SEPTIN9: variants seen among roughly 807,000 people sequenced by gnomAD.
The protein encoded by SEPTIN9 is septin-9.
In SEPTIN9, 13 loss-of-function variants were observed where a neutral mutation model predicts 56.6. That is an observed-to-expected ratio of 0.23 (90% CI 0.15 to 0.37). SEPTIN9 has a LOEUF of 0.37. Ranked by LOEUF, SEPTIN9 falls within the 10% of genes least tolerant of loss-of-function variation. The pLI, the probability that SEPTIN9 is intolerant of heterozygous loss-of-function variation, is 1.00. For synonymous variants in SEPTIN9, 332 were observed against 334.1 expected (o/e 0.99, Z 0.07); for missense variants, 650 against 823.1 (o/e 0.79, Z 2.57).
intron 2 of SEPTIN9, chr17:77,322,618 G>C (rs1567993038): frequency 2.0e-5 from 3 of 152,386 alleles, no homozygotes. Flanking sequence ...CCTGCTGGGT[G>C]GCCTTGAGCA....
intron 1 of SEPTIN9, chr17:77,288,023 A>G: frequency 9.4e-7 from 1 of 1,061,140 alleles, no homozygotes; most frequent in Non-Finnish European, 1.1e-6. Flanking sequence ...CTGGATGGCC[A>G]CTCTGCCCTG....
At chr17:77,418,019 T>C (rs79453023) in intron 3 of SEPTIN9, among the ~76,000 whole-genome samples, 1 of 152,314 alleles carries the variant, frequency 6.6e-6, no homozygotes, top group East Asian at 1.9e-4. Context: ...GGGCTCCTCA[T>C]TCCTGTTCCC....
In SEPTIN9 at chr17:77,319,140, A is replaced by G. The variant is rs1420967356; in HGVS notation, c.76+11943A>G. Among the ~76,000 whole-genome samples the G allele has an allele frequency of 2.0e-5, 3 of 152,206 alleles. No individual in the cohort carries two copies. The highest frequency in any genetic ancestry group is 2.0e-4 in the Admixed American group (3 of 15,290). On this transcript the variant is annotated intron_variant, in intron 2 of 11. Transcript: ENST00000427177. This position sits in a 1 kb window ranked among gnomAD's most constrained non-coding sequence, Gnocchi z 5.3. ...CATTCTCTTTAAACAGGCTTGGGCC[A>G]ACAGAACCAGCCTCCGTGTCTCGGG... is the stretch of plus-strand genomic sequence containing the variant.
Position 77,319,639 on chromosome 17 carries a change from C to T in SEPTIN9, c.76+12442C>T, listed in dbSNP as rs2032832436. Reference sequence around the variant, plus strand: ...GGCACGGCCGTTCCTCCTGCCCAGCCACGTTGGGGTACAGGGTGAAGAAGG... The same window carrying T: ...GGCACGGCCGTTCCTCCTGCCCAGCTACGTTGGGGTACAGGGTGAAGAAGG... On this transcript the variant is annotated intron_variant, in intron 2 of 11. Transcript: ENST00000427177. This position sits in a 1 kb window ranked among gnomAD's most constrained non-coding sequence, Gnocchi z 5.3. 9.4e-7 allele frequency: 1 copy of T among 1,062,906 alleles called. No homozygotes were observed. Among genetic ancestry groups the T allele is most frequent in the South Asian group, 4.6e-5 (1 of 21,958 alleles). 65.8% of individuals were successfully genotyped at this position (1,062,906 alleles called of 1,614,324 possible). A position where few individuals can be genotyped will look rare whatever the true frequency, so the allele number is the denominator to read the frequency against.
chr17:77,294,297 G>A (rs747404979), intron 1 of SEPTIN9, among the ~76,000 whole-genome samples: 155 of 152,058 alleles, frequency 1.0e-3, no homozygotes, highest in Non-Finnish European at 1.8e-3. Flanking sequence ...ACGCACGCCT[G>A]TAATCCCAGC....
intron 3 of SEPTIN9, among the ~76,000 whole-genome samples, chr17:77,455,720 C>T (rs1367988501): frequency 2.0e-5 from 3 of 152,220 alleles, no homozygotes; most frequent in Non-Finnish European, 4.4e-5. Context: ...TGTGTCTTGT[C>T]GATCCACGTC....
Position 77,429,974 on chromosome 17 carries a change from C to T in SEPTIN9, c.721+27271C>T, listed in dbSNP as rs1398799994. Among the ~76,000 whole-genome samples, 1 of 152,152 alleles carries T rather than the reference C, an allele frequency of 6.6e-6. No homozygotes were observed. The highest frequency in any genetic ancestry group is 6.5e-5 in the Admixed American group (1 of 15,284). ...CTGGCTTCCCTGTAGGACAGCAGAC[C>T]CTGGGGGTTGGCTCTGATGGTATTC... is the stretch of plus-strand genomic sequence containing the variant. On this transcript the variant is annotated intron_variant, in intron 3 of 11. Transcript: ENST00000427177. The surrounding 1 kb of genome is among the most constrained non-coding windows in gnomAD (Gnocchi z 5.2).
chr17:77,423,376 G>A (rs1220580829), intron 3 of SEPTIN9, among the ~76,000 whole-genome samples: 1 of 152,214 alleles, frequency 6.6e-6, no homozygotes, highest in Non-Finnish European at 1.5e-5. Context: ...GAAACATTGA[G>A]TTCCCCTTGA....
chr17:77,315,643 T>C lies in SEPTIN9; in HGVS notation c.76+8446T>C, dbSNP rs1356737994. ...CCTGGCTGACGCAAAGCAGGTTGAG[T>C]GAGTGTGACACTTCCTTCCTGTCTG... On this transcript the variant is annotated intron_variant, in intron 2 of 11. Coordinates refer to ENST00000427177, the MANE Select transcript of SEPTIN9 (RefSeq NM_001113491.2). Among the ~76,000 whole-genome samples the C allele has an allele frequency of 2.0e-5, 3 of 152,120 alleles. No individual in the cohort carries two copies. In the East Asian group the frequency reaches 5.8e-4, roughly 29 times the overall value.
intron 2 of SEPTIN9, among the ~76,000 whole-genome samples, chr17:77,309,331 G>A (rs889092739): frequency 6.6e-6 from 1 of 152,258 alleles, no homozygotes; most frequent in African/African-American, 2.4e-5. Context: ...CTGGTGATCT[G>A]GGTTTGCGTG....
intron 3 of SEPTIN9, among the ~76,000 whole-genome samples, chr17:77,460,681 T>C (rs2038430203): frequency 6.6e-6 from 1 of 152,146 alleles, no homozygotes; most frequent in African/African-American, 2.4e-5. Flanking sequence ...CTTGGTCCTG[T>C]TGAGCAGCCC....
At chr17:77,320,017 A>G (rs779606876) in intron 2 of SEPTIN9, 2 of 1,318,040 alleles carry the variant, frequency 1.5e-6, no homozygotes, top group Non-Finnish European at 1.9e-6. Flanking sequence ...CTCGGGGCCC[A>G]CTTCGGGCCC....
intron 3 of SEPTIN9, among the ~76,000 whole-genome samples, chr17:77,481,002 C>G (rs2039433746): frequency 6.6e-6 from 1 of 152,196 alleles, no homozygotes; most frequent in African/African-American, 2.4e-5. Flanking sequence ...TTGTCTGCAC[C>G]TGCATGCGCA....
chr17:77,359,723 G>T (rs746095317), intron 2 of SEPTIN9, among the ~76,000 whole-genome samples: 1 of 152,130 alleles, frequency 6.6e-6, no homozygotes, highest in Non-Finnish European at 1.5e-5. Context: ...TTGGGCCTAG[G>T]AGTTCGAGGC....
chr17:77,317,338 A>G lies in SEPTIN9; in HGVS notation c.76+10141A>G, dbSNP rs926023780. Among the ~76,000 whole-genome samples the G allele has an allele frequency of 6.6e-6, 1 of 152,202 alleles. No individual in the cohort carries two copies. The highest frequency in any genetic ancestry group is 1.5e-5 in the Non-Finnish European group (1 of 68,034). ...TGTGTCCTATTAGGAACTGGCCTGC[A>G]CAGCAGGAGGTGAGTGACTGGCAAG... On this transcript the variant is annotated intron_variant, in intron 2 of 11. Coordinates refer to ENST00000427177, the MANE Select transcript of SEPTIN9 (RefSeq NM_001113491.2). This position sits in a 1 kb window ranked among gnomAD's most constrained non-coding sequence, Gnocchi z 4.2.
intron 2 of SEPTIN9, among the ~76,000 whole-genome samples, chr17:77,388,340 C>T (rs1186033697): frequency 6.6e-6 from 1 of 152,120 alleles, no homozygotes; most frequent in Non-Finnish European, 1.5e-5. Context: ...GAATCTTCTG[C>T]GTCCAGTTGC....
At chr17:77,403,015 C>T (rs1382357710) in intron 3 of SEPTIN9, among the ~76,000 whole-genome samples, 2 of 152,096 alleles carry the variant, frequency 1.3e-5, no homozygotes, top group African/African-American at 2.4e-5. Context: ...CTGTGTGTCC[C>T]TGGAGGGCCT....
intron 2 of SEPTIN9, among the ~76,000 whole-genome samples, chr17:77,394,937 G>T (rs1034358196): frequency 3.9e-5 from 6 of 152,320 alleles, no homozygotes; most frequent in Non-Finnish European, 8.8e-5. Flanking sequence ...GAGACCGTAG[G>T]TGCTTGAGAA....
rs544721990 is a variant in SEPTIN9, at chr17:77,451,430, A to T, written c.722-30714A>T. The T allele has an allele frequency of 1.0e-6, 1 of 985,500 alleles. No individual in the cohort carries two copies. Among genetic ancestry groups the T allele is most frequent in the African/African-American group, 1.7e-5 (1 of 57,316 alleles). The allele number at this position is 985,500 out of a possible 1,614,324, so 61.0% of individuals were successfully genotyped here. On this transcript the variant is annotated intron_variant, in intron 3 of 11. Transcript: ENST00000427177. This position sits in a 1 kb window ranked among gnomAD's most constrained non-coding sequence, Gnocchi z 4.2. The stretch of plus-strand genomic sequence containing the variant: ...GGAGGCTCCTTGTTCCGCGACCACA[A>T]AGCCCCTTTGATCCTCTGCTCGGCT...
Sources: gnomAD v4.1 joint callset for allele counts (sites outside exome capture counted in the v4.1 genomes callset) on GRCh38, gnomAD v4.1.1 for gene constraint, Gnocchi (gnomAD v3.1) non-coding constraint, MANE v1.5 for transcripts, NCBI Gene and HGNC (gene_info 2026-07-23, HGNC 2026-07-21) for gene names.